UBE2H: variants seen among roughly 807,000 people sequenced by gnomAD.
UBE2H encodes ubiquitin-conjugating enzyme E2 H.
In UBE2H, 3 loss-of-function variants were observed where a neutral mutation model predicts 29.0. The ratio of observed to expected loss-of-function variants is 0.10; its 90% CI spans 0.05 to 0.27. UBE2H has a LOEUF of 0.27. Ranked by LOEUF, UBE2H falls within the 10% of genes least tolerant of loss-of-function variation. The pLI, the probability that UBE2H is intolerant of heterozygous loss-of-function variation, is 1.00. For missense variants in UBE2H, 68 were observed against 228.2 expected (o/e 0.30, Z 4.52); for synonymous variants, 69 against 82.9 (o/e 0.83, Z 0.91).
At chr7:129,939,272 C>T (rs1807594556) in intron 1 of UBE2H, among the ~76,000 whole-genome samples, 1 of 152,200 alleles carries the variant, frequency 6.6e-6, no homozygotes. Context: ...GCCTTGGACT[C>T]AAGCAATCCT....
intron 1 of UBE2H, among the ~76,000 whole-genome samples, chr7:129,910,824 G>C (rs1162604328): frequency 2.6e-5 from 4 of 152,170 alleles, no homozygotes; most frequent in Non-Finnish European, 4.4e-5. Context: ...GGAGGTTGCA[G>C]TGAGCAGAGA....
intron 3 of UBE2H, chr7:129,864,979 G>A (rs576082556): frequency 7.8e-5 from 30 of 385,960 alleles, no homozygotes; most frequent in Non-Finnish European, 1.3e-4. Flanking sequence ...GGGGAGGATC[G>A]TACAACAGGA....
At chr7:129,910,270 A>C (rs1190480001) in intron 1 of UBE2H, among the ~76,000 whole-genome samples, 1 of 151,604 alleles carries the variant, frequency 6.6e-6, no homozygotes, top group South Asian at 2.1e-4. Context: ...TGAAGGTTAC[A>C]GTGAACGGAG....
chr7:129,905,181 G>C (rs1372521700), intron 1 of UBE2H, among the ~76,000 whole-genome samples: 1 of 151,798 alleles, frequency 6.6e-6, no homozygotes, highest in Non-Finnish European at 1.5e-5. Flanking sequence ...GGTCACCCCT[G>C]CAAGCTCAGA....
At chr7:129,901,405 G>A (rs563446512) in intron 1 of UBE2H, among the ~76,000 whole-genome samples, 5 of 152,232 alleles carry the variant, frequency 3.3e-5, no homozygotes, top group South Asian at 2.1e-4. Flanking sequence ...GACCAACAGC[G>A]AGACTGCACA....
chr7:129,875,598 G>A (rs574967705), intron 3 of UBE2H, among the ~76,000 whole-genome samples: 12 of 152,238 alleles, frequency 7.9e-5, no homozygotes, highest in African/African-American at 2.9e-4. Context: ...TGTTTTATCT[G>A]CCAGTTTGAC....
intron 3 of UBE2H, among the ~76,000 whole-genome samples, chr7:129,873,619 T>A (rs1806088201): frequency 6.6e-6 from 1 of 151,538 alleles, no homozygotes; most frequent in South Asian, 2.1e-4. Context: ...ATTTTTTTTT[T>A]TAGAGATGGG....
intron 1 of UBE2H, among the ~76,000 whole-genome samples, chr7:129,902,990 C>T (rs547265918): frequency 3.9e-5 from 6 of 152,322 alleles, no homozygotes; most frequent in African/African-American, 9.6e-5. Context: ...CGTCCAAGGT[C>T]GGACTGCTAT....
intron 1 of UBE2H, among the ~76,000 whole-genome samples, chr7:129,951,752 CTATT>C (rs1013654286): frequency 2.6e-5 from 4 of 152,252 alleles, no homozygotes; most frequent in Non-Finnish European, 4.4e-5. Context: ...AGTCCAGGGA[CTATT>C]TATTTTGTCC....
intron 1 of UBE2H, among the ~76,000 whole-genome samples, chr7:129,890,144 T>C (rs953225262): frequency 6.6e-6 from 1 of 151,758 alleles, no homozygotes; most frequent in Non-Finnish European, 1.5e-5. Flanking sequence ...TAAAAACAAA[T>C]AAATTTAAAA....
intron 3 of UBE2H, among the ~76,000 whole-genome samples, chr7:129,870,684 C>T (rs969308973): frequency 2.6e-5 from 4 of 152,150 alleles, no homozygotes; most frequent in Admixed American, 1.3e-4. Flanking sequence ...GCTTCTATCC[C>T]GTCACTGTGT....
At chr7:129,940,191 G>C (rs1428224217) in intron 1 of UBE2H, among the ~76,000 whole-genome samples, 1 of 151,990 alleles carries the variant, frequency 6.6e-6, no homozygotes, top group Non-Finnish European at 1.5e-5. Flanking sequence ...ATGATAACTT[G>C]ATATATGAAA....
intron 1 of UBE2H, among the ~76,000 whole-genome samples, chr7:129,916,270 A>G (rs1003304078): frequency 6.6e-6 from 1 of 152,160 alleles, no homozygotes; most frequent in African/African-American, 2.4e-5. Flanking sequence ...TATCTAAGAA[A>G]AACAGGAAAA....
chr7:129,892,339 C>T (rs1483611745), intron 1 of UBE2H, among the ~76,000 whole-genome samples: 2 of 152,056 alleles, frequency 1.3e-5, no homozygotes. Context: ...GAAACCTCCA[C>T]CTCCTGGGTT....
intron 3 of UBE2H, among the ~76,000 whole-genome samples, chr7:129,868,990 G>A (rs1805974792): frequency 6.7e-6 from 1 of 149,102 alleles, no homozygotes; most frequent in African/African-American, 2.5e-5. Context: ...AGGCTGGAGT[G>A]CAATGGCGCG....
At chr7:129,840,704 T>C (rs192725608) in intron 5 of UBE2H, among the ~76,000 whole-genome samples, 2 of 152,322 alleles carry the variant, frequency 1.3e-5, no homozygotes, top group Admixed American at 1.3e-4. Flanking sequence ...TCCATGTCTC[T>C]GCCCCACTCC....
At chr7:129,848,778 C>A (rs1011244404) in intron 5 of UBE2H, among the ~76,000 whole-genome samples, 1 of 151,552 alleles carries the variant, frequency 6.6e-6, no homozygotes, top group Non-Finnish European at 1.5e-5. Context: ...CTCATTCATT[C>A]CACAATTATT....
chr7:129,937,248 G>A (rs1301772069), intron 1 of UBE2H, among the ~76,000 whole-genome samples: 1 of 151,760 alleles, frequency 6.6e-6, no homozygotes, highest in Non-Finnish European at 1.5e-5. Flanking sequence ...AGAATGGCGT[G>A]AACCCAGGAG....
intron 3 of UBE2H, among the ~76,000 whole-genome samples, chr7:129,872,897 A>G (rs1214216578): frequency 6.8e-6 from 1 of 146,756 alleles, no homozygotes. Flanking sequence ...TGGTTATCAG[A>G]GTATATGCCA....
Sources: gnomAD v4.1 joint callset for allele counts (sites outside exome capture counted in the v4.1 genomes callset) on GRCh38, gnomAD v4.1.1 for gene constraint, MANE v1.5 for transcripts, NCBI Gene and HGNC (gene_info 2026-07-23, HGNC 2026-07-21) for gene names.